FHOD3: variants seen among roughly 807,000 people sequenced by gnomAD.
The protein encoded by FHOD3 is FH1/FH2 domain-containing protein 3.
FHOD3 carries 90 observed loss-of-function variants against 173.0 expected under a neutral mutation model. The observed-to-expected ratio is 0.52, with a 90% confidence interval of 0.44 to 0.62. The LOEUF is 0.62. FHOD3 is among the 20% of genes least tolerant of loss of function. The probability of loss-of-function intolerance (pLI) is 0.00; values close to 1 mark genes in which losing one functional copy is unlikely to be tolerated. For synonymous variants in FHOD3, 828 were observed against 823.0 expected, an observed-to-expected ratio of 1.01 and a Z score of -0.10; for missense variants, 1,945 against 2,034.7, an observed-to-expected ratio of 0.96 and a Z score of 0.85.
chr18:36,779,350 G>T (rs1157998784), intron 28 of FHOD3, 98 bp from the exon 29 acceptor site: 5 of 1,066,950 alleles, frequency 4.7e-6, no homozygotes, highest in Non-Finnish European at 7.2e-6. Context: ...AAGTCCCTGG[G>T]GAGAAGGGGG....
chr18:36,555,190 T>C (rs1055412396), intron 5 of FHOD3, among the ~76,000 whole-genome samples: 7 of 152,166 alleles, frequency 4.6e-5, no homozygotes, highest in Admixed American at 3.3e-4. Context: ...TCCTTCTAGG[T>C]ACTTCTCTTT....
chr18:36,620,510 T>C (rs1334114794), intron 9 of FHOD3, among the ~76,000 whole-genome samples: 1 of 152,232 alleles, frequency 6.6e-6, no homozygotes, highest in African/African-American at 2.4e-5. Context: ...CTCCTCAGAA[T>C]GTGCGACCTG....
intron 9 of FHOD3, among the ~76,000 whole-genome samples, chr18:36,615,510 ATAG>A (rs1196828971): frequency 1.8e-4 from 28 of 152,318 alleles, no homozygotes; most frequent in African/African-American, 6.3e-4. Flanking sequence ...GATGAGGGAC[ATAG>A]TAGTCTACAT....
At chr18:36,380,796 T>C (rs974105596) in intron 3 of FHOD3, among the ~76,000 whole-genome samples, 3 of 152,054 alleles carry the variant, frequency 2.0e-5, no homozygotes, top group Non-Finnish European at 4.4e-5. Context: ...AAAGAAATCC[T>C]GTCTACCTCA....
chr18:36,349,703 A>G (rs2046030456), intron 1 of FHOD3, among the ~76,000 whole-genome samples: 1 of 152,200 alleles, frequency 6.6e-6, no homozygotes, highest in South Asian at 2.1e-4. Flanking sequence ...AAAAAGAAAG[A>G]ATACATAAAT....
At chr18:36,391,454 G>A (rs773064670) in intron 3 of FHOD3, among the ~76,000 whole-genome samples, 46 of 152,272 alleles carry the variant, frequency 3.0e-4, no homozygotes, top group Middle Eastern at 3.4e-3. Context: ...TCGATGATAG[G>A]AGGGTCCTAC....
At chr18:36,547,275 T>G (rs1478415797) in intron 5 of FHOD3, among the ~76,000 whole-genome samples, 2 of 152,172 alleles carry the variant, frequency 1.3e-5, no homozygotes, top group Admixed American at 1.3e-4. Context: ...AAGTTTCTCC[T>G]TCCCATCTCT....
intron 3 of FHOD3, among the ~76,000 whole-genome samples, chr18:36,433,731 T>A (rs2050673647): frequency 6.6e-6 from 1 of 151,638 alleles, no homozygotes; most frequent in South Asian, 2.1e-4. Flanking sequence ...ATAGGACAGG[T>A]TGGGTATTGC....
At chr18:36,617,980 A>G (rs1422917653) in intron 9 of FHOD3, among the ~76,000 whole-genome samples, 1 of 152,072 alleles carries the variant, frequency 6.6e-6, no homozygotes, top group East Asian at 1.9e-4. Context: ...TCTGTTATGA[A>G]TATTTTAAAT....
At chr18:36,632,767 T>C (rs2034607092) in intron 10 of FHOD3, among the ~76,000 whole-genome samples, 1 of 152,192 alleles carries the variant, frequency 6.6e-6, no homozygotes, top group African/African-American at 2.4e-5. Flanking sequence ...GTGTTAGCAG[T>C]GGCGAATCTA....
In FHOD3 at chr18:36,709,136, G is replaced by A. The variant is rs1401164540; in HGVS notation, c.2278G>A (p.Glu760Lys). ...TGAACCCGAATCAGAGGCAGAACCG[G>A]AAGCAGAGGCAGGGGCGGGGCAGGT... ...DPEPESEAEP[E>K]AEAGAGQVAD... The change falls in exon 18 of 29, where the codon GAA becomes AAA. Residue 760 changes from glutamate to lysine, a missense_variant. By Grantham distance (56) the Glu-to-Lys change is moderately conservative. Around this residue, in one of 5 missense-constraint regions of FHOD3, gnomAD observed 1,099 missense variants for 1,051.2 expected, o/e 1.05. Transcript: ENST00000590592. 1.2e-6 allele frequency: 2 copies of A among 1,613,906 alleles called. No homozygotes were observed. The highest frequency in any genetic ancestry group is 2.7e-5 in the African/African-American group (2 of 74,938).
chr18:36,408,858 G>T (rs1258788017), intron 3 of FHOD3, among the ~76,000 whole-genome samples: 2 of 152,290 alleles, frequency 1.3e-5, no homozygotes, highest in South Asian at 2.1e-4. Context: ...ACCATGAATG[G>T]GTTGATTTAT....
At position 36,594,776 on chromosome 18, in the gene FHOD3, T is replaced by C; in HGVS notation, c.607-11T>C. 6.2e-7 allele frequency: 1 copy of C among 1,604,560 alleles called. No individual in the cohort carries two copies. Among genetic ancestry groups the C allele is most frequent in the Non-Finnish European group, 8.5e-7 (1 of 1,172,394 alleles). The stretch of plus-strand genomic sequence containing the variant: ...TTGGCAGTGATGTGATGGTTTTATC[T>C]CTTCTGCCAGTTCCGCCTGGTGGTG... On this transcript the variant is annotated splice_polypyrimidine_tract_variant and intron_variant, in intron 6 of 28. Coordinates refer to ENST00000590592, the MANE Select transcript of FHOD3 (RefSeq NM_001281740.3).
At chr18:36,688,651 AATTTTATT>A (rs1463585051) in intron 16 of FHOD3, among the ~76,000 whole-genome samples, 1 of 152,154 alleles carries the variant, frequency 6.6e-6, no homozygotes, top group Non-Finnish European at 1.5e-5. Flanking sequence ...TAAGGAACTA[AATTTTATT>A]ATTTTAGTTC....
rs188847481 is a variant in FHOD3, at chr18:36,497,108, C to G, written c.338-4824C>G. On this transcript the variant is annotated intron_variant, in intron 3 of 28. Transcript: ENST00000590592. Reference sequence around the variant, plus strand: ...AACAATAAAAATCATTATTTGGGAACAGTACTACATATTTTCTTACTCAGT... The same window carrying G: ...AACAATAAAAATCATTATTTGGGAAGAGTACTACATATTTTCTTACTCAGT... Among the ~76,000 whole-genome samples the G allele has an allele frequency of 9.9e-4, 151 of 152,252 alleles. 1 individual carries two copies. Among genetic ancestry groups the G allele is most frequent in the Non-Finnish European group, 1.3e-3 (90 of 68,006 alleles).
At position 36,504,507 on chromosome 18, in the gene FHOD3, C is replaced by T. The variant is rs374318631; in HGVS notation, c.405+2508C>T. On this transcript the variant is annotated intron_variant, in intron 4 of 28. Coordinates refer to ENST00000590592, the MANE Select transcript of FHOD3 (RefSeq NM_001281740.3). ...TATCGCAAGGACAAAAAACCAAACA[C>T]TGCATGTTCTCACTCATAGATGGGA... Among the ~76,000 whole-genome samples, 15 of 151,360 alleles carry T rather than the reference C, an allele frequency of 9.9e-5. No individual in the cohort carries two copies. The East Asian group carries it at 2.7e-3, about 27-fold the overall frequency.
At chr18:36,564,945 A>G (rs1006193499) in intron 5 of FHOD3, among the ~76,000 whole-genome samples, 1 of 152,176 alleles carries the variant, frequency 6.6e-6, no homozygotes, top group Non-Finnish European at 1.5e-5. Flanking sequence ...AAACTTTGAC[A>G]CCTTGTTGGA....
intron 3 of FHOD3, among the ~76,000 whole-genome samples, chr18:36,481,020 G>GGTTTT (rs1184139038): frequency 8.6e-5 from 9 of 104,438 alleles, no homozygotes; most frequent in African/African-American, 2.8e-4. Context: ...TTGGGAGGTG[G>GGTTTT]TTTTTTTTTT....
chr18:36,704,106 G>A (rs7230513), intron 17 of FHOD3, among the ~76,000 whole-genome samples: 27,351 of 152,108 alleles, frequency 0.18, 2,656 homozygotes, highest in African/African-American at 0.23. Context: ...CCACCTTGCA[G>A]AAAGTATCCA....
Sources: allele counts gnomAD v4.1 joint callset (sites outside exome capture counted in the v4.1 genomes callset), GRCh38; gene constraint gnomAD v4.1.1; regional missense constraint gnomAD v4.1.1; transcripts MANE v1.5; gene names NCBI Gene and HGNC (gene_info 2026-07-23, HGNC 2026-07-21).